The following SGCZ variants were observed in gnomAD, a reference collection of about 807,000 sequenced individuals.
SGCZ encodes the protein sarcoglycan zeta, also known as zeta-sarcoglycan.
A neutral mutation model predicts 41.3 loss-of-function variants in SGCZ; 40 were observed. The ratio of observed to expected loss-of-function variants is 0.97; its 90% CI spans 0.75 to 1.26. SGCZ has a LOEUF of 1.26. Ranked by LOEUF, SGCZ falls within the 50% of genes most tolerant of loss-of-function variation. The pLI is 0.00. For missense variants in SGCZ, 552 were observed against 369.8 expected (o/e 1.49, Z -4.04); for synonymous variants, 206 against 137.5 (o/e 1.50, Z -3.49).
chr8:14,547,632 T>C (rs1803670875), intron 2 of SGCZ, among the ~76,000 whole-genome samples: 1 of 152,194 alleles, frequency 6.6e-6, no homozygotes, highest in Admixed American at 6.6e-5. Flanking sequence ...TAAAGAGCTT[T>C]TGTAAGTGTT....
intron 4 of SGCZ, among the ~76,000 whole-genome samples, chr8:14,209,578 A>T (rs1177519121): frequency 6.6e-6 from 1 of 152,194 alleles, no homozygotes; most frequent in Non-Finnish European, 1.5e-5. Flanking sequence ...TATTTAAATT[A>T]TGTTTTCGAA....
chr8:14,098,441 C>T (rs1038445456), intron 7 of SGCZ, among the ~76,000 whole-genome samples: 3 of 152,132 alleles, frequency 2.0e-5, no homozygotes, highest in African/African-American at 7.2e-5. Context: ...TTGTGGCTCT[C>T]TTCTCCCCAG....
At chr8:14,134,444 G>T (rs1803133982) in intron 5 of SGCZ, among the ~76,000 whole-genome samples, 1 of 152,108 alleles carries the variant, frequency 6.6e-6, no homozygotes, top group South Asian at 2.1e-4. Context: ...GTGAACATAT[G>T]AATATATTTG....
intron 4 of SGCZ, among the ~76,000 whole-genome samples, chr8:14,180,054 G>T (rs1280414882): frequency 6.6e-6 from 1 of 152,144 alleles, no homozygotes; most frequent in African/African-American, 2.4e-5. Flanking sequence ...TAACCAATGA[G>T]AATGGTACCT....
intron 1 of SGCZ, among the ~76,000 whole-genome samples, chr8:14,882,731 T>C (rs1310912120): frequency 6.6e-6 from 1 of 151,906 alleles, no homozygotes; most frequent in African/African-American, 2.4e-5. Context: ...GGTAATACCT[T>C]CCTCAATCTA....
chr8:15,125,609 T>G (rs1239698629), intron 1 of SGCZ, among the ~76,000 whole-genome samples: 1 of 152,200 alleles, frequency 6.6e-6, no homozygotes, highest in Admixed American at 6.5e-5. Context: ...TATTTTTTCA[T>G]ATACCCCAAT....
At chr8:14,637,155 G>A (rs1806858628) in intron 1 of SGCZ, among the ~76,000 whole-genome samples, 1 of 151,274 alleles carries the variant, frequency 6.6e-6, no homozygotes, top group South Asian at 2.1e-4. Flanking sequence ...ACCCATATAT[G>A]TGAAGGAGTC....
At chr8:14,663,355 C>A (rs1175951839) in intron 1 of SGCZ, among the ~76,000 whole-genome samples, 1 of 151,992 alleles carries the variant, frequency 6.6e-6, no homozygotes, top group African/African-American at 2.4e-5. Flanking sequence ...AAATGTATGC[C>A]ATCTGTAGGT....
chr8:14,708,944 TAAGAA>T (rs1423002588), intron 1 of SGCZ, among the ~76,000 whole-genome samples: 1 of 152,012 alleles, frequency 6.6e-6, no homozygotes, highest in East Asian at 1.9e-4. Flanking sequence ...GACAAGTTTC[TAAGAA>T]AAGAAATTTG....
chr8:14,796,243 T>C (rs1470216154), intron 1 of SGCZ, among the ~76,000 whole-genome samples: 1 of 152,184 alleles, frequency 6.6e-6, no homozygotes, highest in African/African-American at 2.4e-5. Flanking sequence ...CTTTGAGAAA[T>C]CACTCCACAA....
chr8:14,801,563 C>A (rs1045450916), intron 1 of SGCZ, among the ~76,000 whole-genome samples: 1 of 151,952 alleles, frequency 6.6e-6, no homozygotes, highest in Non-Finnish European at 1.5e-5. Flanking sequence ...AAGAACAGAT[C>A]GTAAAGTAAA....
rs947347318 is a variant in SGCZ at position 14,225,947 on chromosome 8, T to C, written c.424+11645A>G. Among the ~76,000 whole-genome samples, 11 of 152,204 alleles carry C rather than the reference T, an allele frequency of 7.2e-5. No homozygotes were observed. In the South Asian group the frequency reaches 8.3e-4, roughly 11 times the overall value. On this transcript the variant is annotated intron_variant, in intron 4 of 7. Coordinates refer to ENST00000382080, the MANE Select transcript of SGCZ (RefSeq NM_139167.4). ...AAGAAATAAAGTTACACACGTATCA[T>C]AGACCTTATCAAAAGTTTCCACAAT...
chr8:14,861,188 A>C (rs1488450750), intron 1 of SGCZ, among the ~76,000 whole-genome samples: 2 of 152,190 alleles, frequency 1.3e-5, no homozygotes, highest in Non-Finnish European at 2.9e-5. Context: ...GTTTCTAAGA[A>C]ACATAAATGA....
intron 2 of SGCZ, among the ~76,000 whole-genome samples, chr8:14,464,266 AT>A (rs148509405): frequency 0.042 from 6,248 of 150,542 alleles, 403 homozygotes; most frequent in African/African-American, 0.14. Context: ...TTGTCAGGAG[AT>A]TTTTTTTTGG....
At chr8:14,533,410 A>G (rs1176283057) in intron 2 of SGCZ, among the ~76,000 whole-genome samples, 3 of 152,172 alleles carry the variant, frequency 2.0e-5, no homozygotes, top group East Asian at 3.9e-4. Context: ...ATTTTTGAAG[A>G]GTTTATTGAA....
At chr8:15,097,919 T>A (rs1182145323) in intron 1 of SGCZ, among the ~76,000 whole-genome samples, 1 of 127,684 alleles carries the variant, frequency 7.8e-6, no homozygotes, top group Non-Finnish European at 1.7e-5. Context: ...TACGTGTGTA[T>A]ATATATATAT....
intron 1 of SGCZ, among the ~76,000 whole-genome samples, chr8:14,620,830 C>T (rs36186043): frequency 0.24 from 37,128 of 152,020 alleles, 4,739 homozygotes; most frequent in Non-Finnish European, 0.28. Flanking sequence ...AACACTTTTA[C>T]ACTGTTGGTG....
intron 4 of SGCZ, among the ~76,000 whole-genome samples, chr8:14,198,198 G>C (rs1805329965): frequency 6.6e-6 from 1 of 152,170 alleles, no homozygotes; most frequent in African/African-American, 2.4e-5. Context: ...ACATGAATCA[G>C]TCAGCCGTTT....
chr8:14,119,129 T>G (rs569549634), intron 5 of SGCZ, among the ~76,000 whole-genome samples: 8 of 152,162 alleles, frequency 5.3e-5, no homozygotes, highest in African/African-American at 1.9e-4. Context: ...GGGGATAGCA[T>G]TGAATCTATA....
Sources: gnomAD v4.1 joint callset for allele counts (sites outside exome capture counted in the v4.1 genomes callset) on GRCh38, gnomAD v4.1.1 for gene constraint, MANE v1.5 for transcripts, NCBI Gene and HGNC (gene_info 2026-07-23, HGNC 2026-07-21) for gene names.